The following EPHA2 variants were observed in gnomAD, a reference collection of about 807,000 sequenced individuals.
The protein encoded by EPHA2 is ephrin type-A receptor 2.
Under a neutral mutation model 104.9 loss-of-function variants are expected in EPHA2, and 54 were observed. The observed-to-expected ratio is 0.51, with a 90% CI of 0.41 to 0.65. The LOEUF (loss-of-function observed/expected upper bound fraction) is 0.65, where lower values mean the gene tolerates loss of function less well. Among genes scored for constraint, EPHA2 ranks in the 30% least tolerant of loss-of-function variants. The pLI, the probability that EPHA2 is intolerant of heterozygous loss-of-function variation, is 0.00. For synonymous variants in EPHA2, 560 were observed against 559.1 expected (o/e 1.00, Z -0.02); for missense variants, 1,117 against 1,369.5 (o/e 0.82, Z 2.91).
chr1:16,127,095 G>T (rs374060387), intron 16 of EPHA2, among the ~76,000 whole-genome samples: 76 of 152,300 alleles, frequency 5.0e-4, no homozygotes, highest in African/African-American at 1.5e-3. Flanking sequence ...AAACTCCAAG[G>T]CCATATACTC....
intron 3 of EPHA2, among the ~76,000 whole-genome samples, chr1:16,146,662 G>A (rs916308736): frequency 2.0e-5 from 3 of 152,204 alleles, no homozygotes; most frequent in Admixed American, 6.5e-5. Context: ...GGCATGGGCC[G>A]GAGCAGAGCC....
chr1:16,154,150 C>G (rs377224576), intron 1 of EPHA2, among the ~76,000 whole-genome samples: 41 of 152,238 alleles, frequency 2.7e-4, no homozygotes, highest in East Asian at 1.4e-3. Flanking sequence ...CCCCCACCCC[C>G]CCATGGGCAG....
intron 1 of EPHA2, among the ~76,000 whole-genome samples, chr1:16,152,368 G>A (rs946524213): frequency 6.6e-6 from 1 of 152,160 alleles, no homozygotes; most frequent in Non-Finnish European, 1.5e-5. Context: ...AGGCTGGGGC[G>A]TGAAATGCTG....
At chr1:16,143,158 T>TGATGGATGGATGGATG (rs34028517) in intron 3 of EPHA2, among the ~76,000 whole-genome samples, 1,691 of 123,016 alleles carry the variant, frequency 0.014, 64 homozygotes, top group African/African-American at 0.052. Flanking sequence ...AATGGATGGA[T>TGATGGATGGATGGATG]GATGGATGGA....
At chr1:16,143,905 C>CCCTGTCGTCTCTGCAGAAGGGGGGCTG (rs2024876466) in intron 3 of EPHA2, among the ~76,000 whole-genome samples, 1 of 152,208 alleles carries the variant, frequency 6.6e-6, no homozygotes, top group Non-Finnish European at 1.5e-5. Context: ...TCCCAGCAGG[C>CCCTGTCGTCTCTGCAGAAGGGGGGCTG]CCTGTCGTCT....
At position 16,135,275 on chromosome 1, in the gene EPHA2, G is replaced by A; in HGVS notation, c.1429-86C>T. On this transcript the variant is annotated intron_variant, in intron 6 of 16. Transcript: ENST00000358432. This position sits in a 1 kb window ranked among gnomAD's most constrained non-coding sequence, Gnocchi z 4.3. ...GCCCGCTGGAGACCACCCCAAGCTA[G>A]CAAGGTGGCTTGCCTTTGTTAGCAA... 1.3e-6 allele frequency: 2 copies of A among 1,570,646 alleles called. No individual in the cohort carries two copies. Among genetic ancestry groups the A allele is most frequent in the East Asian group, 2.2e-5 (1 of 44,496 alleles).
chr1:16,155,332 A>T (rs2025134411), intron 1 of EPHA2: 1 of 152,798 alleles, frequency 6.5e-6, no homozygotes, highest in African/African-American at 2.4e-5. Flanking sequence ...CCGGGACTGG[A>T]GGTGAAGGGG....
chr1:16,132,287 G>T lies in EPHA2; in HGVS notation c.2116-14C>A, dbSNP rs1382311234. The stretch of plus-strand genomic sequence containing the variant: ...GCCATCCTTCTCCTGCCGGAGCACA[G>T]GCGCTCAGCTGCAGGCCAGCCCTGA... On this transcript the variant is annotated splice_polypyrimidine_tract_variant and intron_variant, in intron 12 of 16. Coordinates refer to ENST00000358432, the MANE Select transcript of EPHA2 (RefSeq NM_004431.5). The T allele has an allele frequency of 1.5e-5, 24 of 1,613,890 alleles. No individual in the cohort carries two copies. The highest frequency in any genetic ancestry group is 2.0e-5 in the Non-Finnish European group (24 of 1,180,010).
At position 16,132,409 on chromosome 1, in the gene EPHA2, A is replaced by G; in HGVS notation, c.2084T>C (p.Met695Thr). 2 of 1,613,884 alleles carry G rather than the reference A, an allele frequency of 1.2e-6. No individual in the cohort carries two copies. The highest frequency in any genetic ancestry group is 1.7e-6 in the Non-Finnish European group (2 of 1,179,946). ...YKPMMIITEY[M>T]ENGALDKFLR... The stretch of plus-strand genomic sequence containing the variant: ...GAACTTGTCCAGGGCCCCATTCTCC[A>G]TGTACTCAGTGATGATCATCATGGG... Residue 695 changes from methionine to threonine, a missense_variant, in exon 12 of 17, where the codon ATG (methionine) becomes ACG (threonine). Transcript: ENST00000358432.
intron 11 of EPHA2, 27 bp downstream of exon 11, chr1:16,133,153 C>A (rs1357835864): frequency 6.2e-7 from 1 of 1,611,982 alleles, no homozygotes; most frequent in Non-Finnish European, 8.5e-7. Context: ...CCCTCTCCAC[C>A]CAGTGTGGGC....
In EPHA2 at chr1:16,134,895, G is replaced by T; in HGVS notation, c.1582+141C>A. On this transcript the variant is annotated intron_variant, in intron 7 of 16. Coordinates refer to ENST00000358432, the MANE Select transcript of EPHA2 (RefSeq NM_004431.5). The surrounding 1 kb of genome is among the most constrained non-coding windows in gnomAD (Gnocchi z 4.5). ...TTCCCCCTCCCCAGGCTTGGGGGCA[G>T]TCCCCGAAGGGCTGTCCCAGGCCGC... 7.4e-7 allele frequency: 1 copy of T among 1,352,586 alleles called. No homozygotes were observed. The highest frequency in any genetic ancestry group is 1.0e-6 in the Non-Finnish European group (1 of 982,438). 83.8% of individuals were successfully genotyped at this position (1,352,586 alleles called of 1,614,324 possible).
Position 16,128,672 on chromosome 1 carries a change from G to A in EPHA2, c.2825+762C>T, listed in dbSNP as rs1436894574. Among the ~76,000 whole-genome samples, 1 of 152,200 alleles carries A rather than the reference G, an allele frequency of 6.6e-6. No homozygotes were observed. The highest frequency in any genetic ancestry group is 2.4e-5 in the African/African-American group (1 of 41,454). On this transcript the variant is annotated intron_variant, in intron 16 of 16. Coordinates refer to ENST00000358432, the MANE Select transcript of EPHA2 (RefSeq NM_004431.5). This position sits in a 1 kb window ranked among gnomAD's most constrained non-coding sequence, Gnocchi z 4.7. Reference sequence around the variant, plus strand: ...CTTCCTGGGACAGGAGGAGGTGTCTGTGCCAAGGCCATGCCGGGAAAAGTC... The same window carrying A: ...CTTCCTGGGACAGGAGGAGGTGTCTATGCCAAGGCCATGCCGGGAAAAGTC...
intron 3 of EPHA2, among the ~76,000 whole-genome samples, chr1:16,147,258 C>T (rs1475939924): frequency 1.3e-5 from 2 of 152,148 alleles, no homozygotes; most frequent in Non-Finnish European, 2.9e-5. Flanking sequence ...TCTATAGAGG[C>T]CCCAGTGGAA....
chr1:16,133,040 A>C, intron 11 of EPHA2, 140 bp downstream of exon 11: 1 of 1,150,792 alleles, frequency 8.7e-7, no homozygotes, highest in South Asian at 1.4e-5. Flanking sequence ...ATTGGGGAGA[A>C]GTGGGCACAG....
intron 1 of EPHA2, 35 bp downstream of exon 1, chr1:16,155,813 C>CGGGGGCCA (rs1553138290): frequency 7.3e-7 from 1 of 1,370,558 alleles, no homozygotes; most frequent in Non-Finnish European, 9.4e-7. Context: ...CACTGGGGCC[C>CGGGGGCCA]GGGGGCCAGG....
rs1246547268 is a variant in EPHA2 at position 16,133,851 on chromosome 1, G to A, written c.1738+9C>T. The A allele has an allele frequency of 1.9e-6, 3 of 1,545,236 alleles. No homozygotes were observed. The highest frequency in any genetic ancestry group is 2.6e-6 in the Non-Finnish European group (3 of 1,143,228). On this transcript the variant is annotated intron_variant, in intron 9 of 16. Coordinates refer to ENST00000358432, the MANE Select transcript of EPHA2 (RefSeq NM_004431.5). ...CAGGGCTGGGCCTGGAGCGGGGGCT[G>A]CGTCTCACCTGACTTGGAGAAGTAA...
chr1:16,139,577 G>T (rs970725452), intron 3 of EPHA2, among the ~76,000 whole-genome samples: 1 of 152,222 alleles, frequency 6.6e-6, no homozygotes, highest in Admixed American at 6.5e-5. Flanking sequence ...AACAGCTAAG[G>T]GGGTGGAGAA....
chr1:16,130,525 T>C lies in EPHA2; in HGVS notation c.2476-106A>G. ...AGGGGAGGGGAGGGGAACAGGAACATCCCAGAAACAGACAGGAAGGGCCTT... is the reference window on the plus strand; with the variant it reads ...AGGGGAGGGGAGGGGAACAGGAACACCCCAGAAACAGACAGGAAGGGCCTT... On this transcript the variant is annotated intron_variant, in intron 14 of 16. Transcript: ENST00000358432. This position sits in a 1 kb window ranked among gnomAD's most constrained non-coding sequence, Gnocchi z 4.5. The C allele has an allele frequency of 1.7e-6, 2 of 1,144,812 alleles. No homozygotes were observed. The highest frequency in any genetic ancestry group is 2.4e-6 in the Non-Finnish European group (2 of 838,702). 70.9% of individuals were successfully genotyped at this position (1,144,812 alleles called of 1,614,324 possible).
intron 16 of EPHA2, among the ~76,000 whole-genome samples, chr1:16,127,743 C>T (rs931541475): frequency 1.2e-4 from 19 of 152,086 alleles, no homozygotes; most frequent in Non-Finnish European, 2.1e-4. Context: ...GTGGGAGGAG[C>T]GGGTGGTGGG....
Sources: allele counts gnomAD v4.1 joint callset (sites outside exome capture counted in the v4.1 genomes callset), GRCh38; gene constraint gnomAD v4.1.1; non-coding constraint Gnocchi (gnomAD v3.1); transcripts MANE v1.5; gene names NCBI Gene and HGNC (gene_info 2026-07-23, HGNC 2026-07-21).